The following TMEM44 variants were observed in gnomAD, a reference collection of about 807,000 sequenced individuals.
TMEM44 encodes transmembrane protein 44.
A neutral mutation model predicts 47.8 loss-of-function variants in TMEM44; 43 were observed. The ratio of observed to expected loss-of-function variants is 0.90; its 90% confidence interval spans 0.70 to 1.16. The LOEUF (loss-of-function observed/expected upper bound fraction) is 1.16, where lower values mean the gene tolerates loss of function less well. Ranked by LOEUF, TMEM44 falls within the 50% of genes most tolerant of loss-of-function variation. The pLI is 0.00. For missense variants in TMEM44, 568 were observed against 555.2 expected (o/e 1.02, Z -0.23); for synonymous variants, 277 against 238.8 (o/e 1.16, Z -1.48).
chr3:194,610,237 T>C (rs1443888967), intron 8 of TMEM44, among the ~76,000 whole-genome samples: 1 of 150,176 alleles, frequency 6.7e-6, no homozygotes, highest in African/African-American at 2.4e-5. Flanking sequence ...GAGAAAAAGA[T>C]GATAGACTCC....
intron 3 of TMEM44, among the ~76,000 whole-genome samples, chr3:194,624,376 C>T (rs1380935454): frequency 6.6e-6 from 1 of 152,084 alleles, no homozygotes; most frequent in Non-Finnish European, 1.5e-5. Context: ...CAGCATTGAG[C>T]CGCTGAGGGC....
intron 7 of TMEM44, among the ~76,000 whole-genome samples, chr3:194,615,215 C>A (rs1386499207): frequency 6.6e-6 from 1 of 151,992 alleles, no homozygotes; most frequent in Non-Finnish European, 1.5e-5. Context: ...GCACTCCAGC[C>A]TGGGCAACAG....
At chr3:194,590,557 T>C (rs1712536168) in intron 9 of TMEM44, among the ~76,000 whole-genome samples, 1 of 152,188 alleles carries the variant, frequency 6.6e-6, no homozygotes, top group Admixed American at 6.5e-5. Flanking sequence ...CCTGTTCTGT[T>C]CTCTGAGGAT....
At chr3:194,624,409 A>G (rs1189875842) in intron 3 of TMEM44, among the ~76,000 whole-genome samples, 5 of 152,074 alleles carry the variant, frequency 3.3e-5, no homozygotes, top group Admixed American at 3.3e-4. Flanking sequence ...ACACTGCTGC[A>G]GCACCCCCTC....
chr3:194,621,024 CAA>C (rs35118545), intron 5 of TMEM44, among the ~76,000 whole-genome samples: 148 of 117,242 alleles, frequency 1.3e-3, no homozygotes, highest in Admixed American at 1.3e-3. Flanking sequence ...GACTCTGTCT[CAA>C]AAAAAAAAAA....
chr3:194,589,594 G>T (rs77102409), intron 9 of TMEM44: 1 of 147,650 alleles, frequency 6.8e-6, no homozygotes, highest in African/African-American at 2.5e-5. Flanking sequence ...GAGCGGGGGG[G>T]CACTGCCAGT....
At chr3:194,591,382 C>T (rs1171556879) in intron 9 of TMEM44, among the ~76,000 whole-genome samples, 5 of 150,640 alleles carry the variant, frequency 3.3e-5, no homozygotes, top group Non-Finnish European at 3.0e-5. Flanking sequence ...TAATCCCAGC[C>T]ACTTGGGAGG....
At chr3:194,605,478 C>A (rs1188411725) in intron 8 of TMEM44, among the ~76,000 whole-genome samples, 1 of 152,218 alleles carries the variant, frequency 6.6e-6, no homozygotes, top group African/African-American at 2.4e-5. Flanking sequence ...GGAGGCCTCA[C>A]AATCACGGCA....
chr3:194,597,605 A>G (rs2109156566), intron 9 of TMEM44, among the ~76,000 whole-genome samples: 1 of 151,200 alleles, frequency 6.6e-6, no homozygotes, highest in East Asian at 1.9e-4. Flanking sequence ...GGTTGCCCTG[A>G]GCCGAGATTG....
chr3:194,596,818 T>C (rs1245339769), intron 9 of TMEM44: 1 of 152,172 alleles, frequency 6.6e-6, no homozygotes, highest in Non-Finnish European at 1.5e-5. Context: ...CCGTTTCCCT[T>C]TGGGGCCCAG....
At chr3:194,590,547 C>T (rs1712534304) in intron 9 of TMEM44, among the ~76,000 whole-genome samples, 1 of 152,156 alleles carries the variant, frequency 6.6e-6, no homozygotes, top group Non-Finnish European at 1.5e-5. Context: ...AAAGTAGGGC[C>T]CTGTTCTGTT....
chr3:194,609,185 A>G (rs147597891), intron 8 of TMEM44, among the ~76,000 whole-genome samples: 43 of 152,256 alleles, frequency 2.8e-4, no homozygotes, highest in African/African-American at 9.9e-4. Flanking sequence ...TAAGCGTGAG[A>G]TGCCATATGG....
intron 1 of TMEM44, among the ~76,000 whole-genome samples, chr3:194,631,118 G>A (rs1243444215): frequency 6.7e-6 from 1 of 149,672 alleles, no homozygotes; most frequent in Non-Finnish European, 1.5e-5. Context: ...TGGCGTCACC[G>A]ATAGGGCCTC....
chr3:194,613,690 C>T (rs1331489431), intron 7 of TMEM44, among the ~76,000 whole-genome samples: 1 of 151,400 alleles, frequency 6.6e-6, no homozygotes, highest in African/African-American at 2.4e-5. Context: ...ACAGGAGTTT[C>T]ACCACGTTGG....
intron 1 of TMEM44, among the ~76,000 whole-genome samples, chr3:194,629,786 C>T (rs1333747566): frequency 2.8e-5 from 1 of 36,072 alleles, no homozygotes; most frequent in Non-Finnish European, 5.0e-5. Flanking sequence ...AATACGCTGT[C>T]GTACCTGCCT....
Position 194,627,013 on chromosome 3 carries a change from C to T in TMEM44, c.265-1023G>A, listed in dbSNP as rs560055820. ...CTCGGCTTACTGCAACCTCCGCCTC[C>T]CAGGTTCAAGTGATTCTCCTGCCTC... On this transcript the variant is annotated intron_variant, in intron 2 of 9. Coordinates refer to ENST00000347147, the MANE Select transcript of TMEM44 (RefSeq NM_001011655.3). Among the ~76,000 whole-genome samples the T allele has an allele frequency of 1.4e-4, 22 of 152,096 alleles. No individual in the cohort carries two copies. The South Asian group carries it at 3.7e-3, about 26-fold the overall frequency.
intron 9 of TMEM44, among the ~76,000 whole-genome samples, chr3:194,603,355 C>A (rs113658168): frequency 2.6e-5 from 4 of 152,056 alleles, no homozygotes; most frequent in Non-Finnish European, 5.9e-5. Flanking sequence ...TGGTGCTCCT[C>A]GGGGGGAGAA....
intron 9 of TMEM44, among the ~76,000 whole-genome samples, chr3:194,599,060 C>G (rs1398741851): frequency 2.0e-5 from 3 of 152,206 alleles, no homozygotes; most frequent in Non-Finnish European, 4.4e-5. Context: ...CCTGGGTGGT[C>G]TGAGCCCAAC....
intron 5 of TMEM44, among the ~76,000 whole-genome samples, chr3:194,620,289 C>CAAAAA (rs752649203): frequency 3.6e-5 from 2 of 55,004 alleles, no homozygotes; most frequent in African/African-American, 1.3e-4. Context: ...AACTCCGACT[C>CAAAAA]AAAAAAAAAA....
Sources: gnomAD v4.1 joint callset for allele counts (sites outside exome capture counted in the v4.1 genomes callset) on GRCh38, gnomAD v4.1.1 for gene constraint, MANE v1.5 for transcripts, NCBI Gene and HGNC (gene_info 2026-07-23, HGNC 2026-07-21) for gene names.